Variants in PTPN4 observed in about 807,000 individuals in gnomAD.
PTPN4 encodes protein tyrosine phosphatase non-receptor type 4.
PTPN4 carries 49 observed loss-of-function variants against 135.5 expected under a neutral mutation model. The ratio of observed to expected loss-of-function variants is 0.36; its 90% confidence interval spans 0.29 to 0.46. The LOEUF (loss-of-function observed/expected upper bound fraction) is 0.46, where lower values mean the gene tolerates loss of function less well. PTPN4 is among the 20% of genes least tolerant of loss of function. The pLI is 1.00. For synonymous variants in PTPN4, 333 were observed against 369.9 expected (o/e 0.90, Z 1.14); for missense variants, 860 against 1,101.0 (o/e 0.78, Z 3.10).
At chr2:119,915,090 CTAAA>C in intron 10 of PTPN4, 85 bp from the exon 11 acceptor site, 2 of 1,117,238 alleles carry the variant, frequency 1.8e-6, no homozygotes, top group Non-Finnish European at 2.4e-6. Flanking sequence ...TTAGATATTA[CTAAA>C]TATACACTTA....
rs371137131 is a variant in PTPN4, at chr2:119,960,602, A to C, written c.2134-205A>C. On this transcript the variant is annotated intron_variant, in intron 22 of 26. Coordinates refer to ENST00000263708, the MANE Select transcript of PTPN4 (RefSeq NM_002830.4). ...TAAATTCTTATTTCCACTAATTAAA[A>C]GATAAATACATGTAACTGTTGAACA... Among the ~76,000 whole-genome samples, 21 of 152,326 alleles carry C rather than the reference A, an allele frequency of 1.4e-4. No homozygotes were observed. The East Asian group carries it at 2.9e-3, about 21-fold the overall frequency.
chr2:119,973,655 G>GTTTTTT (rs70949378), intron 26 of PTPN4, among the ~76,000 whole-genome samples: 9 of 38,390 alleles, frequency 2.3e-4, no homozygotes, highest in Admixed American at 4.4e-4. Context: ...TTCATTTCTT[G>GTTTTTT]TTTTTTTTTT....
chr2:119,890,862 A>G (rs1678229885), intron 9 of PTPN4, among the ~76,000 whole-genome samples: 1 of 152,154 alleles, frequency 6.6e-6, no homozygotes, highest in East Asian at 1.9e-4. Context: ...TTTGATGGAT[A>G]TAGTATTCTG....
chr2:119,910,198 C>T lies in PTPN4; in HGVS notation c.765-4981C>T, dbSNP rs34229456. Reference sequence around the variant, plus strand: ...CCTCCACCAACAAAAGATTACAACTCCTGAGGGCTCAGATGATCATTAGAA... The same window carrying T: ...CCTCCACCAACAAAAGATTACAACTTCTGAGGGCTCAGATGATCATTAGAA... On this transcript the variant is annotated intron_variant, in intron 10 of 26. Coordinates refer to ENST00000263708, the MANE Select transcript of PTPN4 (RefSeq NM_002830.4). 4.9e-3 allele frequency among the ~76,000 whole-genome samples: 741 copies of T among 152,070 alleles called. 4 individuals carry two copies. The highest frequency in any genetic ancestry group is 0.017 in the African/African-American group (706 of 41,500).
intron 24 of PTPN4, among the ~76,000 whole-genome samples, chr2:119,964,776 G>T (rs949101010): frequency 1.3e-5 from 2 of 152,112 alleles, no homozygotes; most frequent in African/African-American, 2.4e-5. Flanking sequence ...ATTTTAATGA[G>T]TTTATACATA....
intron 1 of PTPN4, among the ~76,000 whole-genome samples, chr2:119,788,168 CTTG>C (rs1192562775): frequency 3.9e-5 from 6 of 151,968 alleles, no homozygotes; most frequent in African/African-American, 1.5e-4. Context: ...CCCAGATTAA[CTTG>C]TTGTTTGCAA....
Position 119,979,425 on chromosome 2 carries a change from A to T in PTPN4, c.*2355A>T, listed in dbSNP as rs1319167220. The T allele has an allele frequency of 6.6e-6, 1 of 152,122 alleles. No individual in the cohort carries two copies. The highest frequency in any genetic ancestry group is 1.5e-5 in the Non-Finnish European group (1 of 67,976). The allele number at this position is 152,122 out of a possible 1,614,324, so 9.4% of individuals were successfully genotyped here. A position where few individuals can be genotyped will look rare whatever the true frequency, so the allele number is the denominator to read the frequency against. ...CCAATCATTAGAAGTTTAGAATTAC[A>T]TTTAAATTTCTCATATATGAATTTT... On this transcript the variant is annotated 3_prime_UTR_variant, in exon 27 of 27. Coordinates refer to ENST00000263708, the MANE Select transcript of PTPN4 (RefSeq NM_002830.4).
Position 119,887,646 on chromosome 2 carries a change from A to G in PTPN4, c.675+1764A>G, listed in dbSNP as rs768319994. Among the ~76,000 whole-genome samples, 44 of 152,216 alleles carry G rather than the reference A, an allele frequency of 2.9e-4. 1 individual carries two copies. Among genetic ancestry groups the G allele is most frequent in the Middle Eastern group, 6.8e-3 (2 of 294 alleles). ...TATTGCAGAGAATGTCCTTTCCCCA[A>G]TGTAAGTTCTTGTTGACTTTGTTGA... On this transcript the variant is annotated intron_variant, in intron 9 of 26. Coordinates refer to ENST00000263708, the MANE Select transcript of PTPN4 (RefSeq NM_002830.4).
chr2:119,804,094 C>T (rs1691423539), intron 1 of PTPN4, among the ~76,000 whole-genome samples: 1 of 151,946 alleles, frequency 6.6e-6, no homozygotes, highest in African/African-American at 2.4e-5. Flanking sequence ...CCCATCCCCA[C>T]CCCCACTCCG....
chr2:119,886,069 T>C (rs1678151391), intron 9 of PTPN4, among the ~76,000 whole-genome samples, 187 bp downstream of exon 9: 1 of 152,190 alleles, frequency 6.6e-6, no homozygotes, highest in African/African-American at 2.4e-5. Flanking sequence ...TGAAGGATGG[T>C]TAATGTGGAT....
At chr2:119,959,435 A>G (rs1327642557) in intron 22 of PTPN4, among the ~76,000 whole-genome samples, 1 of 152,220 alleles carries the variant, frequency 6.6e-6, no homozygotes, top group East Asian at 1.9e-4. Flanking sequence ...TTTATGTGAA[A>G]CCTTAGGTTA....
At chr2:119,916,467 AG>A in intron 11 of PTPN4, 1 of 152,350 alleles carries the variant, frequency 6.6e-6, no homozygotes, top group Non-Finnish European at 1.5e-5. Context: ...TAAAATACAG[AG>A]GGATTTTTTT....
At position 119,862,108 on chromosome 2, in the gene PTPN4, G is replaced by A. The variant is rs185114817; in HGVS notation, c.139-428G>A. On this transcript the variant is annotated intron_variant, in intron 2 of 26. Transcript: ENST00000263708. ...ATAGATATATGCATGAGTTAATGTG[G>A]CAATAATATAAACTAAAAAAATATC... 1.4e-3 allele frequency among the ~76,000 whole-genome samples: 209 copies of A among 152,192 alleles called. 1 individual carries two copies. Among genetic ancestry groups the A allele is most frequent in the Non-Finnish European group, 2.3e-3 (159 of 67,994 alleles).
chr2:119,884,628 T>G (rs1342842622), intron 8 of PTPN4, among the ~76,000 whole-genome samples: 12 of 152,344 alleles, frequency 7.9e-5, no homozygotes, highest in East Asian at 5.8e-4. Flanking sequence ...TAAGCCAGAT[T>G]TTTTTAAATT....
chr2:119,898,801 A>G lies in PTPN4; in HGVS notation c.676-1917A>G, dbSNP rs577765726. On this transcript the variant is annotated intron_variant, in intron 9 of 26. Transcript: ENST00000263708. ...ACCCAACTCTAGGAATGCCTTGGGA[A>G]CTGCCCCTTCAGTCTAGATATCTAT... is the stretch of plus-strand genomic sequence containing the variant. 6.6e-5 allele frequency among the ~76,000 whole-genome samples: 10 copies of G among 152,322 alleles called. No individual in the cohort carries two copies. The East Asian group carries it at 1.5e-3, about 23-fold the overall frequency.
intron 2 of PTPN4, among the ~76,000 whole-genome samples, chr2:119,832,242 CT>C (rs1349857769): frequency 6.6e-6 from 1 of 152,116 alleles, no homozygotes; most frequent in Non-Finnish European, 1.5e-5. Flanking sequence ...TTTGTTTCTA[CT>C]TTTTTTCCAT....
chr2:119,879,279 A>T (rs966224706), intron 5 of PTPN4, among the ~76,000 whole-genome samples: 2 of 152,220 alleles, frequency 1.3e-5, no homozygotes, highest in Non-Finnish European at 2.9e-5. Context: ...CATTGAAAAC[A>T]TAATAAGGAA....
chr2:119,922,607 T>A (rs1243625739), intron 12 of PTPN4, among the ~76,000 whole-genome samples: 12 of 152,208 alleles, frequency 7.9e-5, no homozygotes, highest in Non-Finnish European at 1.5e-5. Flanking sequence ...TTTTTGCATA[T>A]GTGTTTATGA....
chr2:119,839,894 A>G (rs1307482265), intron 2 of PTPN4, among the ~76,000 whole-genome samples: 1 of 152,198 alleles, frequency 6.6e-6, no homozygotes, highest in Admixed American at 6.5e-5. Context: ...ATTATGCCTT[A>G]GATTTGTGAC....
Sources: allele counts gnomAD v4.1 joint callset (sites outside exome capture counted in the v4.1 genomes callset), GRCh38; gene constraint gnomAD v4.1.1; transcripts MANE v1.5; gene names NCBI Gene and HGNC (gene_info 2026-07-23, HGNC 2026-07-21).